TRMT11: variants seen among roughly 807,000 people sequenced by gnomAD.
TRMT11 encodes the protein tRNA methyltransferase 11.
Under a neutral mutation model 62.8 loss-of-function variants are expected in TRMT11, and 53 were observed. That is an observed-to-expected ratio of 0.84 (90% CI 0.68 to 1.06). TRMT11 has a LOEUF of 1.06. Among genes scored for constraint, TRMT11 ranks in the 50% least tolerant of loss-of-function variants. The pLI, the probability that TRMT11 is intolerant of heterozygous loss-of-function variation, is 0.00. For synonymous variants in TRMT11, 188 were observed against 190.3 expected, an observed-to-expected ratio of 0.99 and a Z score of 0.10; for missense variants, 556 against 553.4, an observed-to-expected ratio of 1.00 and a Z score of -0.05.
the TRMT11 span, among the ~76,000 whole-genome samples, chr6:126,209,248 CAA>C: frequency 6.6e-6 from 1 of 152,048 alleles, no homozygotes; most frequent in Non-Finnish European, 1.5e-5. Flanking sequence ...ACGACTTTGG[CAA>C]AGTCATTATG....
chr6:126,032,222 C>A (rs930097199), intron 12 of TRMT11, among the ~76,000 whole-genome samples: 27 of 152,184 alleles, frequency 1.8e-4, no homozygotes, highest in African/African-American at 6.5e-4. Flanking sequence ...ATTCCATGCC[C>A]TACATGGTGG....
the TRMT11 span, among the ~76,000 whole-genome samples, chr6:126,220,386 C>T: frequency 1.3e-5 from 2 of 152,280 alleles, no homozygotes; most frequent in South Asian, 4.1e-4. Flanking sequence ...AAGGTTTGCC[C>T]ACAAACCCCT....
the TRMT11 span, among the ~76,000 whole-genome samples, chr6:126,242,537 T>C: frequency 9.9e-5 from 15 of 152,140 alleles, no homozygotes; most frequent in African/African-American, 2.2e-4. Context: ...CAAACTATAC[T>C]ACAAGGCTAC....
At chr6:126,124,655 C>T (rs2128200662) in intron 21 of TRMT11, among the ~76,000 whole-genome samples, 1 of 152,198 alleles carries the variant, frequency 6.6e-6, no homozygotes, top group Non-Finnish European at 1.5e-5. Flanking sequence ...TTGAACATGG[C>T]TGCCAGATGA....
chr6:126,025,245 A>T (rs1772839884), intron 12 of TRMT11, among the ~76,000 whole-genome samples: 1 of 152,122 alleles, frequency 6.6e-6, no homozygotes, highest in South Asian at 2.1e-4. Flanking sequence ...TTTTTCCCAG[A>T]TTTATAATAT....
chr6:126,081,482 G>A (rs1459825416), intron 17 of TRMT11, among the ~76,000 whole-genome samples: 1 of 152,154 alleles, frequency 6.6e-6, no homozygotes, highest in Non-Finnish European at 1.5e-5. Flanking sequence ...TGCATCAGAT[G>A]CCTTAGTAAG....
At chr6:126,117,013 G>T (rs1443634189) in intron 21 of TRMT11, among the ~76,000 whole-genome samples, 1 of 152,092 alleles carries the variant, frequency 6.6e-6, no homozygotes, top group Non-Finnish European at 1.5e-5. Flanking sequence ...GCCTTGCTAA[G>T]ATGAAGTACC....
intron 17 of TRMT11, among the ~76,000 whole-genome samples, chr6:126,094,827 A>G (rs1777323226): frequency 6.6e-6 from 1 of 152,186 alleles, no homozygotes; most frequent in Non-Finnish European, 1.5e-5. Context: ...GAGATTTTTC[A>G]AAGAACTCTC....
At chr6:126,212,073 T>C in the TRMT11 span, among the ~76,000 whole-genome samples, 1 of 152,206 alleles carries the variant, frequency 6.6e-6, no homozygotes, top group Non-Finnish European at 1.5e-5. Flanking sequence ...GACCTCCAGT[T>C]CCATCCATGT....
chr6:126,056,968 G>A (rs780137059), intron 17 of TRMT11, among the ~76,000 whole-genome samples: 5 of 152,186 alleles, frequency 3.3e-5, no homozygotes, highest in Admixed American at 2.0e-4. Context: ...TCTTGGTGCA[G>A]TAATTATGGA....
intron 17 of TRMT11, among the ~76,000 whole-genome samples, chr6:126,065,188 A>G (rs559568847): frequency 6.6e-6 from 1 of 152,346 alleles, no homozygotes; most frequent in Non-Finnish European, 1.5e-5. Flanking sequence ...TTAGGTATAT[A>G]GTTCAACAAG....
chr6:126,196,499 A>T (rs1264737918), intron 1 of TRMT11, among the ~76,000 whole-genome samples: 1 of 152,028 alleles, frequency 6.6e-6, no homozygotes, highest in Non-Finnish European at 1.5e-5. Context: ...AATAATTTTT[A>T]ATAATTTACA....
chr6:126,183,757 A>G (rs773941599), intron 1 of TRMT11, among the ~76,000 whole-genome samples: 2 of 151,692 alleles, frequency 1.3e-5, no homozygotes, highest in Non-Finnish European at 2.9e-5. Flanking sequence ...ACCGTTTTTA[A>G]TAAGAATTAT....
At chr6:126,210,645 A>T in the TRMT11 span, among the ~76,000 whole-genome samples, 2 of 152,172 alleles carry the variant, frequency 1.3e-5, no homozygotes, top group Non-Finnish European at 2.9e-5. Context: ...CTCCAGCAAG[A>T]CCTTCTCTTG....
intron 17 of TRMT11, among the ~76,000 whole-genome samples, chr6:126,087,398 G>A (rs1018876278): frequency 1.1e-4 from 17 of 152,204 alleles, no homozygotes; most frequent in African/African-American, 4.1e-4. Flanking sequence ...TAAAGGGAGG[G>A]CACAGTCAAA....
At chr6:126,214,144 A>G in the TRMT11 span, among the ~76,000 whole-genome samples, 1 of 149,088 alleles carries the variant, frequency 6.7e-6, no homozygotes, top group African/African-American at 2.6e-5. Flanking sequence ...GTTTCCTAGT[A>G]TTTTGTTGAG....
At chr6:126,004,331 T>C (rs1380059370) in intron 7 of TRMT11, among the ~76,000 whole-genome samples, 1 of 152,084 alleles carries the variant, frequency 6.6e-6, no homozygotes, top group Non-Finnish European at 1.5e-5. Flanking sequence ...GTGGGTAGTA[T>C]ATTTGGAACG....
intron 1 of TRMT11, among the ~76,000 whole-genome samples, chr6:126,187,111 C>G (rs1018096203): frequency 2.0e-5 from 3 of 151,810 alleles, no homozygotes; most frequent in African/African-American, 7.2e-5. Context: ...TATCAAAGTC[C>G]TAGCCAGTAC....
At chr6:126,161,167 G>A (rs1192245242) in intron 21 of TRMT11, among the ~76,000 whole-genome samples, 2 of 152,012 alleles carry the variant, frequency 1.3e-5, no homozygotes, top group Non-Finnish European at 2.9e-5. Flanking sequence ...TGCCATGGTG[G>A]TTTGCTGCAC....
Sources: gnomAD v4.1 joint callset for allele counts (sites outside exome capture counted in the v4.1 genomes callset) on GRCh38, gnomAD v4.1.1 for gene constraint, MANE v1.5 for transcripts, NCBI Gene and HGNC (gene_info 2026-07-23, HGNC 2026-07-21) for gene names.